Variants in CSNK1G1 observed in about 807,000 individuals in gnomAD.
CSNK1G1 encodes casein kinase 1 gamma 1.
In CSNK1G1, 22 loss-of-function variants were observed where a neutral mutation model predicts 59.6. The observed-to-expected ratio is 0.37, with a 90% CI of 0.26 to 0.53. The LOEUF (loss-of-function observed/expected upper bound fraction) is 0.53, where lower values mean the gene tolerates loss of function less well. CSNK1G1 is among the 20% of genes least tolerant of loss of function. The pLI is 0.89. For missense variants in CSNK1G1, 384 were observed against 519.5 expected (o/e 0.74, Z 2.54); for synonymous variants, 179 against 177.1 (o/e 1.01, Z -0.08).
chr15:64,314,577 A>C (rs1389915241), intron 1 of CSNK1G1, among the ~76,000 whole-genome samples: 12 of 151,798 alleles, frequency 7.9e-5, no homozygotes, highest in Non-Finnish European at 5.9e-5. Context: ...AAAAAAAAAA[A>C]AAAAAACATA....
At chr15:64,277,030 G>C (rs189787234) in intron 2 of CSNK1G1, among the ~76,000 whole-genome samples, 1 of 151,946 alleles carries the variant, frequency 6.6e-6, no homozygotes, top group Non-Finnish European at 1.5e-5. Context: ...AATCAATTCC[G>C]GAAGAACTAG....
intron 4 of CSNK1G1, among the ~76,000 whole-genome samples, chr15:64,228,416 G>C (rs1337141766): frequency 6.6e-6 from 1 of 152,204 alleles, no homozygotes; most frequent in Non-Finnish European, 1.5e-5. Context: ...GAGAGGCCGA[G>C]GCAGGTGGAT....
chr15:64,303,600 A>C (rs1895487641), intron 1 of CSNK1G1, among the ~76,000 whole-genome samples: 1 of 151,956 alleles, frequency 6.6e-6, no homozygotes, highest in Admixed American at 6.6e-5. Context: ...AAAAACAAAA[A>C]AATTAGCCAG....
chr15:64,302,082 C>T (rs1003552972), intron 1 of CSNK1G1, among the ~76,000 whole-genome samples: 1 of 152,062 alleles, frequency 6.6e-6, no homozygotes, highest in African/African-American at 2.4e-5. Context: ...TCCAATAATA[C>T]AATCTGTTTG....
rs1170075981 is a variant in CSNK1G1 at position 64,222,437 on chromosome 15, C to CAAAA, written c.293-5728_293-5725dup. On this transcript the variant is annotated intron_variant, in intron 4 of 11. Transcript: ENST00000303052. ...AAAGAAATAACAACAACAACACCAC[C>CAAAA]AAAAAAAAAAAAAAAAAAAAAAGAG... is the stretch of plus-strand genomic sequence containing the variant. 7.0e-4 allele frequency among the ~76,000 whole-genome samples: 48 copies of CAAAA among 68,938 alleles called. 2 individuals carry two copies. The highest frequency in any genetic ancestry group is 1.1e-3 in the East Asian group (3 of 2,622). The allele number at this position is 68,938 out of a possible 152,430, so 45.2% of individuals were successfully genotyped here. A position where few individuals can be genotyped will look rare whatever the true frequency, so the allele number is the denominator to read the frequency against.
At chr15:64,332,683 A>T (rs1371183439) in intron 1 of CSNK1G1, among the ~76,000 whole-genome samples, 2 of 151,700 alleles carry the variant, frequency 1.3e-5, no homozygotes, top group South Asian at 2.1e-4. Flanking sequence ...ATTAAAAATA[A>T]AATAAAATAA....
intron 2 of CSNK1G1, among the ~76,000 whole-genome samples, chr15:64,261,240 A>T (rs1811471670): frequency 6.6e-6 from 1 of 152,178 alleles, no homozygotes; most frequent in South Asian, 2.1e-4. Flanking sequence ...ACCAGATGTG[A>T]CTCTGCGCAA....
chr15:64,245,078 T>C (rs1891680499), intron 4 of CSNK1G1, among the ~76,000 whole-genome samples: 1 of 151,290 alleles, frequency 6.6e-6, no homozygotes, highest in Non-Finnish European at 1.5e-5. Context: ...CCCCTATCTC[T>C]AACTATACAA....
At chr15:64,244,455 A>G (rs1286272908) in intron 4 of CSNK1G1, among the ~76,000 whole-genome samples, 1 of 152,038 alleles carries the variant, frequency 6.6e-6, no homozygotes, top group African/African-American at 2.4e-5. Flanking sequence ...TAATAATACC[A>G]AAAGCAATCT....
At chr15:64,245,453 G>T (rs1188164066) in intron 4 of CSNK1G1, among the ~76,000 whole-genome samples, 1 of 152,102 alleles carries the variant, frequency 6.6e-6, no homozygotes, top group Non-Finnish European at 1.5e-5. Flanking sequence ...ATGGGCAAAT[G>T]ATCTTCACAG....
At chr15:64,254,200 C>G (rs1892245207) in intron 3 of CSNK1G1, among the ~76,000 whole-genome samples, 1 of 149,644 alleles carries the variant, frequency 6.7e-6, no homozygotes, top group African/African-American at 2.5e-5. Flanking sequence ...TAGAGACAGA[C>G]AGAATGGTGG....
Position 64,176,799 on chromosome 15 carries a change from G to A in CSNK1G1, c.1214+3549C>T, listed in dbSNP as rs1189236625. The stretch of plus-strand genomic sequence containing the variant: ...GCTAGCAGTTAGCTCTTCCTCTAGA[G>A]AGGGAGAAAAGGTTTAAGCGACACT... On this transcript the variant is annotated intron_variant, in intron 11 of 11. Transcript: ENST00000303052. The surrounding 1 kb of genome is among the most constrained non-coding windows in gnomAD (Gnocchi z 5.2). Among the ~76,000 whole-genome samples, 1 of 152,208 alleles carries A rather than the reference G, an allele frequency of 6.6e-6. No individual in the cohort carries two copies. The highest frequency in any genetic ancestry group is 1.9e-4 in the East Asian group (1 of 5,202).
intron 6 of CSNK1G1, among the ~76,000 whole-genome samples, chr15:64,208,037 C>T (rs1245930003): frequency 6.6e-6 from 1 of 152,230 alleles, no homozygotes; most frequent in South Asian, 2.1e-4. Flanking sequence ...AAGATACAAG[C>T]TGCAAAATGC....
chr15:64,309,836 G>A (rs1895895276), intron 1 of CSNK1G1, among the ~76,000 whole-genome samples: 1 of 152,188 alleles, frequency 6.6e-6, no homozygotes, highest in Non-Finnish European at 1.5e-5. Context: ...TTGGCCTGGT[G>A]TGGTGGCTCA....
intron 4 of CSNK1G1, among the ~76,000 whole-genome samples, chr15:64,220,072 TC>T (rs2082366541): frequency 6.7e-6 from 1 of 149,966 alleles, no homozygotes; most frequent in African/African-American, 2.5e-5. Flanking sequence ...ACGCCCAGCC[TC>T]CCCTTCTTTT....
chr15:64,326,501 G>C (rs141588237), intron 1 of CSNK1G1, among the ~76,000 whole-genome samples: 1 of 152,016 alleles, frequency 6.6e-6, no homozygotes, highest in Non-Finnish European at 1.5e-5. Flanking sequence ...ACAATTAGCC[G>C]GGCATGGTGG....
intron 3 of CSNK1G1, among the ~76,000 whole-genome samples, chr15:64,257,419 A>T (rs1468239473): frequency 6.6e-6 from 1 of 152,226 alleles, no homozygotes; most frequent in East Asian, 1.9e-4. Context: ...ATCAAAGATT[A>T]TTCCAACTTA....
chr15:64,180,558 T>C (rs1309980373), intron 10 of CSNK1G1, 104 bp from the exon 11 acceptor site: 1 of 885,544 alleles, frequency 1.1e-6, no homozygotes, highest in African/African-American at 1.6e-5. Context: ...AATGTTTGTT[T>C]TCCTGGGTTA....
chr15:64,237,954 T>C (rs938516443), intron 4 of CSNK1G1, among the ~76,000 whole-genome samples: 2 of 152,224 alleles, frequency 1.3e-5, no homozygotes, highest in African/African-American at 4.8e-5. Flanking sequence ...ACAGGAGCAC[T>C]AAGCTTCTCA....
Sources: allele counts gnomAD v4.1 joint callset (sites outside exome capture counted in the v4.1 genomes callset), GRCh38; gene constraint gnomAD v4.1.1; non-coding constraint Gnocchi (gnomAD v3.1); transcripts MANE v1.5; gene names NCBI Gene and HGNC (gene_info 2026-07-23, HGNC 2026-07-21).